The following OVCH2 variants were observed in gnomAD, a reference collection of about 807,000 sequenced individuals.
OVCH2 encodes the protein ovochymase-2.
A neutral mutation model predicts 73.7 loss-of-function variants in OVCH2; 88 were observed. The ratio of observed to expected loss-of-function variants is 1.19; its 90% CI spans 1.01 to 1.43. The LOEUF (loss-of-function observed/expected upper bound fraction) is 1.43, where lower values mean the gene tolerates loss of function less well. OVCH2 is among the 40% of genes most tolerant of loss of function. The pLI, the probability that OVCH2 is intolerant of heterozygous loss-of-function variation, is 0.00. For missense variants in OVCH2, 706 were observed against 674.5 expected, an observed-to-expected ratio of 1.05 and a Z score of -0.52; for synonymous variants, 265 against 234.5, an observed-to-expected ratio of 1.13 and a Z score of -1.19.
At chr11:7,691,820 T>C (rs1856227419) in intron 13 of OVCH2, 82 bp downstream of exon 13, 10 of 1,069,006 alleles carry the variant, frequency 9.4e-6, no homozygotes, top group East Asian at 5.2e-5. Context: ...TGGAGGAAGA[T>C]TGATCTGTCT....
At chr11:7,694,228 T>C (rs1856277371) in intron 12 of OVCH2, among the ~76,000 whole-genome samples, 1 of 152,338 alleles carries the variant, frequency 6.6e-6, no homozygotes, top group Non-Finnish European at 1.5e-5. Context: ...GCAGTCCTAC[T>C]TCTACCTCCC....
intron 1 of OVCH2, 102 bp downstream of exon 1, chr11:7,706,205 C>T: frequency 8.4e-7 from 1 of 1,186,832 alleles, no homozygotes; most frequent in African/African-American, 1.6e-5. Context: ...AATATATTTG[C>T]TTCTCCTATT....
At chr11:7,680,385 GACAA>G in the OVCH2 span, among the ~76,000 whole-genome samples, 2 of 152,072 alleles carry the variant, frequency 1.3e-5, no homozygotes, top group East Asian at 1.9e-4. Context: ...GAAAGAACAG[GACAA>G]ACACTTTTTT....
chr11:7,691,317 C>A lies in OVCH2; in HGVS notation c.1591G>T (p.Gly531Trp). Residue 531 changes from glycine (G) to tryptophan (W), a missense_variant, in exon 14 of 16, where the codon GGG becomes TGG. Physicochemically the swap from Gly to Trp is radical, Grantham distance 184 (BLOSUM62 -2). Coordinates refer to ENST00000533663, the MANE Select transcript of OVCH2 (RefSeq NM_198185.7). ...MLISFQSDENGTCRGFQATVS... is the reference protein window; with the variant it reads ...MLISFQSDENWTCRGFQATVS... The stretch of plus-strand genomic sequence containing the variant: ...GTAGCCTGAAAGCCCCTGCAGGTCC[C>A]GTTTTCATCTGATTGGAAGCTGATG... 1.9e-6 allele frequency: 3 copies of A among 1,613,810 alleles called. No homozygotes were observed. The highest frequency in any genetic ancestry group is 2.5e-6 in the Non-Finnish European group (3 of 1,179,836).
At position 7,703,556 on chromosome 11, in the gene OVCH2, G is replaced by A. The variant is rs1229120701; in HGVS notation, c.290+142C>T. 3.5e-5 allele frequency: 21 copies of A among 605,348 alleles called. No individual in the cohort carries two copies. The East Asian group carries it at 3.6e-4, about 10-fold the overall frequency. The allele number at this position is 605,348 out of a possible 1,614,324, so 37.5% of individuals were successfully genotyped here. ...CTGACAATGTCACCCAGCCCCATTT[G>A]TGTCATGCAATTAGGATATTCATCT... On this transcript the variant is annotated intron_variant, in intron 3 of 15. Transcript: ENST00000533663.
At chr11:7,686,722 A>G (rs1312239814), downstream of OVCH2, among the ~76,000 whole-genome samples, 1 of 152,260 alleles carries the variant, frequency 6.6e-6, no homozygotes, top group Non-Finnish European at 1.5e-5. Flanking sequence ...AGAGTAGAAC[A>G]TTTCTGAAAA....
At chr11:7,693,035 A>G (rs1008831553) in intron 12 of OVCH2, among the ~76,000 whole-genome samples, 5 of 152,224 alleles carry the variant, frequency 3.3e-5, no homozygotes, top group Non-Finnish European at 7.3e-5. Context: ...AACTATCTAG[A>G]TAGAAGGAAC....
intron 4 of OVCH2, 90 bp downstream of exon 4, chr11:7,702,067 C>G: frequency 8.2e-7 from 1 of 1,221,522 alleles, no homozygotes. Context: ...AAGTGCATGA[C>G]CCAGAACGTA....
chr11:7,704,170 T>C (rs933384865), intron 2 of OVCH2, among the ~76,000 whole-genome samples: 2 of 152,154 alleles, frequency 1.3e-5, no homozygotes, highest in African/African-American at 4.8e-5. Context: ...CTGAAGAGGT[T>C]TGGAAGAAAG....
intron 3 of OVCH2, 115 bp from the exon 4 acceptor site, chr11:7,702,444 G>C: frequency 2.6e-6 from 2 of 775,368 alleles, no homozygotes; most frequent in Non-Finnish European, 3.9e-6. Flanking sequence ...GGGGTGTGAG[G>C]CTGCTGAGCA....
At chr11:7,690,690 G>A (rs1410458911) in intron 14 of OVCH2, among the ~76,000 whole-genome samples, 6 of 151,968 alleles carry the variant, frequency 3.9e-5, no homozygotes, top group African/African-American at 1.4e-4. Flanking sequence ...GTTTCCACAC[G>A]AGGTAAAACA....
intron 7 of OVCH2, 57 bp downstream of exon 7, chr11:7,700,239 C>G: frequency 6.5e-7 from 1 of 1,543,524 alleles, no homozygotes; most frequent in Non-Finnish European, 8.9e-7. Context: ...TCTGCTGATG[C>G]TGTCTCTGGC....
chr11:7,692,923 C>G (rs1186902883), intron 12 of OVCH2, among the ~76,000 whole-genome samples: 1 of 152,158 alleles, frequency 6.6e-6, no homozygotes, highest in Non-Finnish European at 1.5e-5. Context: ...TTTTTGCTAT[C>G]TTAAAAACTT....
At chr11:7,702,678 A>T (rs944367314) in intron 3 of OVCH2, among the ~76,000 whole-genome samples, 3 of 152,212 alleles carry the variant, frequency 2.0e-5, no homozygotes, top group Non-Finnish European at 1.5e-5. Flanking sequence ...ACCTGACCTA[A>T]TATCAGTGAG....
chr11:7,699,698 G>A (rs1229261835), intron 7 of OVCH2: 1 of 152,140 alleles, frequency 6.6e-6, no homozygotes. Flanking sequence ...ACTATACCTG[G>A]ATCTACGCCA....
At chr11:7,690,248 G>T (rs1856196100) in intron 14 of OVCH2, among the ~76,000 whole-genome samples, 1 of 152,220 alleles carries the variant, frequency 6.6e-6, no homozygotes, top group African/African-American at 2.4e-5. Context: ...AATTGGCTTT[G>T]TGGGGTTTGG....
At position 7,702,270 on chromosome 11, in the gene OVCH2, G is replaced by A. The variant is rs1856457914; in HGVS notation, c.350C>T (p.Pro117Leu). 1 of 1,612,176 alleles carries A rather than the reference G, an allele frequency of 6.2e-7. No individual in the cohort carries two copies. The highest frequency in any genetic ancestry group is 8.5e-7 in the Non-Finnish European group (1 of 1,179,142). The change falls in exon 4 of 16, where the codon CCA (proline) becomes CTA (leucine). Residue 117 changes from proline (P) to leucine (L), a missense_variant. Transcript: ENST00000533663. The stretch of plus-strand genomic sequence containing the variant: ...TTCAATAGTGAGAGTTTGCTCTCCT[G>A]GGTCTGTCTGGCTTAAGTCATACTC... Reference protein sequence around the residue: ...AGEYDLSQTDPGEQTLTIETV... With the variant: ...AGEYDLSQTDLGEQTLTIETV...
chr11:7,690,351 CTA>C (rs1191690504), intron 14 of OVCH2, among the ~76,000 whole-genome samples: 1 of 152,128 alleles, frequency 6.6e-6, no homozygotes, highest in Non-Finnish European at 1.5e-5. Flanking sequence ...TTTCATGTTT[CTA>C]TGTCTCTGTT....
chr11:7,688,249 C>T (rs888412210), downstream of OVCH2, among the ~76,000 whole-genome samples: 3 of 152,150 alleles, frequency 2.0e-5, no homozygotes, highest in East Asian at 1.9e-4. Flanking sequence ...CCAGACCACC[C>T]CATCCCAGGC....
Sources: gnomAD v4.1 joint callset for allele counts (sites outside exome capture counted in the v4.1 genomes callset) on GRCh38, gnomAD v4.1.1 for gene constraint, MANE v1.5 for transcripts, NCBI Gene and HGNC (gene_info 2026-07-23, HGNC 2026-07-21) for gene names.